The following SDK1 variants were observed in gnomAD, a reference collection of about 807,000 sequenced individuals.
SDK1 encodes sidekick cell adhesion molecule 1.
Under a neutral mutation model 245.5 loss-of-function variants are expected in SDK1, and 157 were observed. That is an observed-to-expected ratio of 0.64 (90% CI 0.56 to 0.73). The LOEUF is 0.73. Among genes scored for constraint, SDK1 ranks in the 30% least tolerant of loss-of-function variants. The pLI is 0.00. For synonymous variants in SDK1, 1,647 were observed against 1,278.5 expected (o/e 1.29, Z -6.15); for missense variants, 3,583 against 3,002.3 (o/e 1.19, Z -4.52).
chr7:3,463,654 C>T (rs1780901331), intron 1 of SDK1, among the ~76,000 whole-genome samples: 1 of 152,190 alleles, frequency 6.6e-6, no homozygotes, highest in African/African-American at 2.4e-5. Context: ...ATTTAAACTA[C>T]TTTATATCCC....
chr7:4,174,445 G>T lies in SDK1; in HGVS notation c.4936+88G>T, dbSNP rs537366282. ...CTCAGTGCACATCATGGTGGGAAAC[G>T]CTGTGGAAGAGGCTGAGAGAAGAGG... On this transcript the variant is annotated intron_variant, in intron 33 of 44. Coordinates refer to ENST00000404826, the MANE Select transcript of SDK1 (RefSeq NM_152744.4). 36 of 1,417,322 alleles carry T rather than the reference G, an allele frequency of 2.5e-5. No homozygotes were observed. The African/African-American group carries it at 3.7e-4, about 14-fold the overall frequency. The allele number at this position is 1,417,322 out of a possible 1,614,324, so 87.8% of individuals were successfully genotyped here.
Position 4,077,037 on chromosome 7 carries a change from C to G in SDK1, c.3050C>G (p.Ser1017Cys), listed in dbSNP as rs1323846137. 3.1e-6 allele frequency: 5 copies of G among 1,614,192 alleles called. No homozygotes were observed. The highest frequency in any genetic ancestry group is 4.2e-6 in the Non-Finnish European group (5 of 1,180,010). The change falls in exon 21 of 45, where the codon TCT becomes TGT. Residue 1017 changes from serine (S) to cysteine (C), a missense_variant. Physicochemically the swap from Ser to Cys is moderately radical, Grantham distance 112 (BLOSUM62 -1). Coordinates refer to ENST00000404826, the MANE Select transcript of SDK1 (RefSeq NM_152744.4). ...ISWEVYGRND[S>C]RLTHTLNSTT... ...TGGGAAGTGTACGGCAGGAACGACT[C>G]TCGTCTCACGCACACCCTGAACAGC...
intron 14 of SDK1, among the ~76,000 whole-genome samples, chr7:3,999,530 G>A (rs555659617): frequency 1.3e-5 from 2 of 152,316 alleles, no homozygotes; most frequent in South Asian, 2.1e-4. Flanking sequence ...TGAGCAGAAT[G>A]TTCAAACGGT....
intron 4 of SDK1, among the ~76,000 whole-genome samples, chr7:3,798,113 T>G (rs77308352): frequency 2.1e-3 from 314 of 152,050 alleles, no homozygotes; most frequent in African/African-American, 7.3e-3. Context: ...TATCTTTTCC[T>G]GTTCTGGGAT....
At chr7:3,975,163 A>G (rs1782817199) in intron 13 of SDK1, among the ~76,000 whole-genome samples, 3 of 152,114 alleles carry the variant, frequency 2.0e-5, no homozygotes, top group South Asian at 4.1e-4. Context: ...TCCCCTCTCT[A>G]TTCATGGAGC....
chr7:3,952,310 G>A (rs1358913643), intron 7 of SDK1, among the ~76,000 whole-genome samples: 6 of 152,226 alleles, frequency 3.9e-5, no homozygotes, highest in Non-Finnish European at 8.8e-5. Context: ...CAGGCATGGT[G>A]GCTTATGCCT....
rs188302365 is a variant in SDK1, at chr7:3,479,816, C to T, written c.299-139264C>T. On this transcript the variant is annotated intron_variant, in intron 1 of 44. Coordinates refer to ENST00000404826, the MANE Select transcript of SDK1 (RefSeq NM_152744.4). ...GGCAGAGGTTGAAGTGAGCCAAGATCGTGCCACTGCACTCTGGCTTGGGCA... is the reference window on the plus strand; with the variant it reads ...GGCAGAGGTTGAAGTGAGCCAAGATTGTGCCACTGCACTCTGGCTTGGGCA... 3.3e-3 allele frequency among the ~76,000 whole-genome samples: 497 copies of T among 150,128 alleles called. 6 individuals carry two copies. The highest frequency in any genetic ancestry group is 0.018 in the Middle Eastern group (5 of 278).
At chr7:4,091,494 C>T (rs555691918) in intron 22 of SDK1, among the ~76,000 whole-genome samples, 4 of 151,892 alleles carry the variant, frequency 2.6e-5, no homozygotes, top group Non-Finnish European at 5.9e-5. Flanking sequence ...AGGCACGTAC[C>T]ACCACACCTG....
intron 1 of SDK1, among the ~76,000 whole-genome samples, chr7:3,552,182 C>A (rs10246698): frequency 0.39 from 59,102 of 151,754 alleles, 11,757 homozygotes; most frequent in South Asian, 0.49. Context: ...GGACTACAGG[C>A]GCCCACCACC....
intron 19 of SDK1, among the ~76,000 whole-genome samples, chr7:4,066,230 G>A (rs1584000821): frequency 1.3e-5 from 2 of 152,072 alleles, no homozygotes; most frequent in Non-Finnish European, 2.9e-5. Flanking sequence ...TCTCCTGAAC[G>A]GGTATCTGGA....
intron 1 of SDK1, among the ~76,000 whole-genome samples, chr7:3,491,564 A>G (rs1012631565): frequency 2.0e-5 from 3 of 152,234 alleles, no homozygotes; most frequent in African/African-American, 4.8e-5. Context: ...GCAGTCTTCT[A>G]TAGAAATTAC....
intron 1 of SDK1, among the ~76,000 whole-genome samples, chr7:3,367,284 T>C (rs1471642725): frequency 6.6e-6 from 1 of 152,154 alleles, no homozygotes. Flanking sequence ...TGTTTCACAA[T>C]GGATGGAATA....
At chr7:3,562,270 C>T (rs2128626497) in intron 1 of SDK1, among the ~76,000 whole-genome samples, 1 of 152,340 alleles carries the variant, frequency 6.6e-6, no homozygotes, top group African/African-American at 2.4e-5. Context: ...CAGCTTTGAT[C>T]CCTACCTTTA....
chr7:3,811,424 G>T (rs1017727229), intron 4 of SDK1, among the ~76,000 whole-genome samples: 1 of 152,198 alleles, frequency 6.6e-6, no homozygotes, highest in South Asian at 2.1e-4. Flanking sequence ...CTTCTCTGCA[G>T]ACCACATTAG....
At chr7:3,405,552 T>G (rs1035337637) in intron 1 of SDK1, among the ~76,000 whole-genome samples, 2 of 152,302 alleles carry the variant, frequency 1.3e-5, no homozygotes, top group Non-Finnish European at 2.9e-5. Context: ...CTAGACTGTT[T>G]TATCTGTTTG....
chr7:3,503,721 A>G (rs1562526580), intron 1 of SDK1, among the ~76,000 whole-genome samples: 1 of 152,086 alleles, frequency 6.6e-6, no homozygotes, highest in Admixed American at 6.6e-5. Context: ...CATTAATAAG[A>G]ATGATATACT....
intron 1 of SDK1, among the ~76,000 whole-genome samples, chr7:3,533,289 G>A (rs1783410751): frequency 6.6e-6 from 1 of 152,284 alleles, no homozygotes; most frequent in South Asian, 2.1e-4. Flanking sequence ...CAAGGCTGAA[G>A]GATGTGAGCT....
At position 4,059,719 on chromosome 7, in the gene SDK1, A is replaced by G. The variant is rs76421673; in HGVS notation, c.2911+7889A>G. Reference sequence around the variant, plus strand: ...CAAAGCAAATCTCAACAACTTTTAAAAGACTAAAATTCGATCGATATCTTC... The same window carrying G: ...CAAAGCAAATCTCAACAACTTTTAAGAGACTAAAATTCGATCGATATCTTC... On this transcript the variant is annotated intron_variant, in intron 19 of 44. Transcript: ENST00000404826. 2.6e-4 allele frequency among the ~76,000 whole-genome samples: 39 copies of G among 152,310 alleles called. No homozygotes were observed. The East Asian group carries it at 7.1e-3, about 28-fold the overall frequency.
At chr7:4,144,390 C>A (rs583894) in intron 28 of SDK1, among the ~76,000 whole-genome samples, 1 of 151,978 alleles carries the variant, frequency 6.6e-6, no homozygotes, top group South Asian at 2.1e-4. Flanking sequence ...CAGACACCTG[C>A]GCCTAGAGGT....
Sources: allele counts gnomAD v4.1 joint callset (sites outside exome capture counted in the v4.1 genomes callset), GRCh38; gene constraint gnomAD v4.1.1; transcripts MANE v1.5; gene names NCBI Gene and HGNC (gene_info 2026-07-23, HGNC 2026-07-21).